The following HSCB variants were observed in gnomAD, a reference collection of about 807,000 sequenced individuals.
HSCB encodes the protein HscB mitochondrial iron-sulfur cluster cochaperone, also known as iron-sulfur cluster co-chaperone protein HscB.
In HSCB, 23 loss-of-function variants were observed where a neutral mutation model predicts 31.3. That is an observed-to-expected ratio of 0.74 (90% CI 0.53 to 1.04). The LOEUF is 1.04. Among genes scored for constraint, HSCB ranks in the 50% least tolerant of loss-of-function variants. HSCB has a pLI of 0.00. For synonymous variants in HSCB, 110 were observed against 104.5 expected, an observed-to-expected ratio of 1.05 and a Z score of -0.32; for missense variants, 297 against 288.1, an observed-to-expected ratio of 1.03 and a Z score of -0.22.
intron 3 of HSCB, 77 bp from the exon 4 acceptor site, chr22:28,745,787 C>T: frequency 8.0e-7 from 1 of 1,243,938 alleles, no homozygotes; most frequent in Non-Finnish European, 1.1e-6. Flanking sequence ...GGTATTATTT[C>T]CTAATGGATG....
chr22:28,755,707 C>T (rs1227862578), intron 5 of HSCB, among the ~76,000 whole-genome samples: 1 of 152,090 alleles, frequency 6.6e-6, no homozygotes, highest in African/African-American at 2.4e-5. Context: ...AACATATCTT[C>T]ATTTTAGCAC....
rs1214436451 is a variant in HSCB, at chr22:28,757,371, G to C, written c.*202G>C. ...ATGGTGGCGCGTGCCTGTAATCCCA[G>C]CTACTTGGTAGGCCGAGGCAGGAGA... On this transcript the variant is annotated 3_prime_UTR_variant, in exon 6 of 6. Coordinates refer to ENST00000216027, the MANE Select transcript of HSCB (RefSeq NM_172002.5). The C allele has an allele frequency of 2.4e-6, 1 of 416,190 alleles. No homozygotes were observed. The highest frequency in any genetic ancestry group is 4.5e-6 in the Non-Finnish European group (1 of 221,516). The allele number at this position is 416,190 out of a possible 1,614,324, so 25.8% of individuals were successfully genotyped here. A position where few individuals can be genotyped will look rare whatever the true frequency, so the allele number is the denominator to read the frequency against.
intron 5 of HSCB, among the ~76,000 whole-genome samples, chr22:28,754,323 A>G (rs1351634508): frequency 1.3e-5 from 2 of 152,046 alleles, no homozygotes; most frequent in Non-Finnish European, 2.9e-5. Context: ...CAGGAAGAGG[A>G]AAATAGAGAG....
chr22:28,755,774 A>G (rs1019768547), intron 5 of HSCB, among the ~76,000 whole-genome samples: 1 of 152,128 alleles, frequency 6.6e-6, no homozygotes, highest in Non-Finnish European at 1.5e-5. Context: ...GGCACTACGG[A>G]TATTGTAAGC....
In HSCB at chr22:28,751,306, C is replaced by T. The variant is rs929916414; in HGVS notation, c.616+18C>T. 5.3e-6 allele frequency: 8 copies of T among 1,521,610 alleles called. No homozygotes were observed. Among genetic ancestry groups the T allele is most frequent in the African/African-American group, 1.4e-5 (1 of 72,972 alleles). The allele number at this position is 1,521,610 out of a possible 1,614,324, so 94.3% of individuals were successfully genotyped here. A position where few individuals can be genotyped will look rare whatever the true frequency, so the allele number is the denominator to read the frequency against. On this transcript the variant is annotated intron_variant, in intron 5 of 5. Transcript: ENST00000216027. ...TGAACAAGGTACTTTCTTTTCTTCA[C>T]TTTCTTAAATATGGAAAGAAATTTC...
chr22:28,751,211 A>C (rs1158332278), intron 4 of HSCB, 30 bp from the exon 5 acceptor site: 1 of 1,479,316 alleles, frequency 6.8e-7, no homozygotes, highest in Non-Finnish European at 9.4e-7. Flanking sequence ...ATTTCAATGG[A>C]AAAATTAACA....
intron 4 of HSCB, among the ~76,000 whole-genome samples, chr22:28,748,331 T>C (rs113529796): frequency 2.6e-5 from 4 of 152,286 alleles, no homozygotes; most frequent in African/African-American, 9.6e-5. Flanking sequence ...CTGACTTAAA[T>C]TTGCCTCAAA....
intron 5 of HSCB, among the ~76,000 whole-genome samples, chr22:28,753,666 G>A (rs560764908): frequency 1.1e-4 from 16 of 150,368 alleles, no homozygotes; most frequent in East Asian, 6.0e-4. Context: ...GTGAAACCCC[G>A]TCTCTACTAA....
At chr22:28,754,408 A>C (rs1378113013) in intron 5 of HSCB, among the ~76,000 whole-genome samples, 1 of 151,926 alleles carries the variant, frequency 6.6e-6, no homozygotes, top group Non-Finnish European at 1.5e-5. Context: ...GGTGGCTCCC[A>C]CCTGTAATCC....
At chr22:28,747,858 G>T (rs1305393787) in intron 4 of HSCB, among the ~76,000 whole-genome samples, 1 of 151,830 alleles carries the variant, frequency 6.6e-6, no homozygotes, top group African/African-American at 2.4e-5. Context: ...ATTCCCAAGT[G>T]TCTCCCCTCC....
chr22:28,756,642 A>T (rs1385972560), intron 5 of HSCB, among the ~76,000 whole-genome samples: 2 of 151,108 alleles, frequency 1.3e-5, no homozygotes, highest in Non-Finnish European at 2.9e-5. Flanking sequence ...CTAATTTTTT[A>T]TTTTATTTTT....
chr22:28,746,786 C>G (rs1183606565), intron 4 of HSCB, among the ~76,000 whole-genome samples: 1 of 151,910 alleles, frequency 6.6e-6, no homozygotes, highest in African/African-American at 2.4e-5. Context: ...GTAATCCCAA[C>G]TACTCGGGAA....
chr22:28,744,278 A>C (rs2054645658), intron 2 of HSCB, among the ~76,000 whole-genome samples: 1 of 152,254 alleles, frequency 6.6e-6, no homozygotes, highest in African/African-American at 2.4e-5. Context: ...TGGGCCTGGC[A>C]CAGTGACTCA....
intron 5 of HSCB, 61 bp from the exon 6 acceptor site, chr22:28,757,017 C>CA: frequency 2.1e-6 from 2 of 943,452 alleles, no homozygotes; most frequent in Non-Finnish European, 3.5e-6. Context: ...CCCTAGTCAT[C>CA]AGAGTTGGTT....
intron 1 of HSCB, chr22:28,742,588 A>T: frequency 7.7e-6 from 3 of 387,696 alleles, no homozygotes; most frequent in Non-Finnish European, 9.2e-6. Context: ...GTTAGAGGAA[A>T]TAGGGGGGCC....
At chr22:28,749,331 G>A (rs1662119858) in intron 4 of HSCB, among the ~76,000 whole-genome samples, 1 of 151,978 alleles carries the variant, frequency 6.6e-6, no homozygotes, top group Non-Finnish European at 1.5e-5. Context: ...GCTTCTGCCT[G>A]AAACCCTCCT....
At chr22:28,750,918 G>T (rs184649003) in intron 4 of HSCB, among the ~76,000 whole-genome samples, 2 of 128,616 alleles carry the variant, frequency 1.6e-5, no homozygotes, top group African/African-American at 6.0e-5. Context: ...AAACTGTTTC[G>T]TGGAGATAAT....
Position 28,744,610 on chromosome 22 carries a change from AAC to A in HSCB, c.334-3_334-2del. Reference sequence around the variant, plus strand: ...TAATAGTACTATCTTCATCTCCACTAACAGACTGAAAAGGACTTCTCAGAGAA... The same window carrying A: ...TAATAGTACTATCTTCATCTCCACTAAGACTGAAAAGGACTTCTCAGAGAA... On this transcript the variant is annotated splice_region_variant and splice_polypyrimidine_tract_variant and intron_variant, in intron 2 of 5. Coordinates refer to ENST00000216027, the MANE Select transcript of HSCB (RefSeq NM_172002.5). The A allele has an allele frequency of 6.2e-7, 1 of 1,602,568 alleles. No individual in the cohort carries two copies. Among genetic ancestry groups the A allele is most frequent in the South Asian group, 1.1e-5 (1 of 90,866 alleles).
At chr22:28,744,548 C>A in intron 2 of HSCB, 67 bp from the exon 3 acceptor site, 1 of 1,245,368 alleles carries the variant, frequency 8.0e-7, no homozygotes, top group Non-Finnish European at 1.2e-6. Flanking sequence ...AACGTCAAAA[C>A]AAAAACAAAA....
Sources: gnomAD v4.1 joint callset for allele counts (sites outside exome capture counted in the v4.1 genomes callset) on GRCh38, gnomAD v4.1.1 for gene constraint, MANE v1.5 for transcripts, NCBI Gene and HGNC (gene_info 2026-07-23, HGNC 2026-07-21) for gene names.